SMC1B: variants seen among roughly 807,000 people sequenced by gnomAD.
The protein encoded by SMC1B is structural maintenance of chromosomes 1B.
Under a neutral mutation model 157.9 loss-of-function variants are expected in SMC1B, and 60 were observed. The ratio of observed to expected loss-of-function variants is 0.38; its 90% CI spans 0.31 to 0.47. The LOEUF (loss-of-function observed/expected upper bound fraction) is 0.47, where lower values mean the gene tolerates loss of function less well. SMC1B is among the 20% of genes least tolerant of loss of function. The probability of loss-of-function intolerance (pLI) is 0.99; values close to 1 mark genes in which losing one functional copy is unlikely to be tolerated. For synonymous variants in SMC1B, 445 were observed against 483.0 expected, an observed-to-expected ratio of 0.92 and a Z score of 1.03; for missense variants, 1,165 against 1,426.2, an observed-to-expected ratio of 0.82 and a Z score of 2.95.
intron 17 of SMC1B, among the ~76,000 whole-genome samples, chr22:45,361,459 AAC>A (rs35756229): frequency 2.0e-5 from 3 of 150,800 alleles, no homozygotes; most frequent in Admixed American, 6.6e-5. Flanking sequence ...CTAAAAGAGA[AAC>A]ACACACACAC....
chr22:45,387,109 T>G (rs1224661013), intron 10 of SMC1B, 63 bp from the exon 11 acceptor site: 2 of 1,364,838 alleles, frequency 1.5e-6, no homozygotes, highest in Admixed American at 1.9e-5. Flanking sequence ...ATGTTCATTA[T>G]ATTCTTTCTC....
intron 20 of SMC1B, among the ~76,000 whole-genome samples, chr22:45,354,373 T>G (rs1007182008): frequency 2.0e-5 from 3 of 151,934 alleles, no homozygotes; most frequent in African/African-American, 7.2e-5. Context: ...TATGTATGTA[T>G]GTATGTATGT....
chr22:45,359,608 C>T (rs1180194060), intron 18 of SMC1B, among the ~76,000 whole-genome samples, 197 bp downstream of exon 18: 2 of 152,190 alleles, frequency 1.3e-5, no homozygotes, highest in Non-Finnish European at 2.9e-5. Context: ...TCTTGGGTAT[C>T]TAATATGTAG....
rs58336299 is a variant in SMC1B, at chr22:45,406,526, C to T, written c.549G>A (p.Gln183=). The T allele has an allele frequency of 2.6e-4, 422 of 1,612,952 alleles. 2 individuals are homozygous for T. In the African/African-American group the frequency reaches 4.7e-3, roughly 18 times the overall value. ...RKLQKAEEDA[Q]FNFNKKKNIA... ...TATTTTTTTTCTTATTAAAGTTAAA[C>T]TGTGCATCCTCTTCGGCTTTTTGTA... Residue 183 remains glutamine, a synonymous_variant, in exon 4 of 25, where the codon CAG becomes CAA. Coordinates refer to ENST00000357450, the MANE Select transcript of SMC1B (RefSeq NM_148674.5).
Position 45,410,117 on chromosome 22 carries a change from C to T in SMC1B, c.110-1219G>A, listed in dbSNP as rs576696543. Among the ~76,000 whole-genome samples, 27 of 152,328 alleles carry T rather than the reference C, an allele frequency of 1.8e-4. No individual in the cohort carries two copies. The South Asian group carries it at 5.4e-3, about 30-fold the overall frequency. ...GACTTGGAATCTTGCAACTGGTTTC[C>T]TAAGACTTTGCCTCATATATCCTTT... On this transcript the variant is annotated intron_variant, in intron 1 of 24. Coordinates refer to ENST00000357450, the MANE Select transcript of SMC1B (RefSeq NM_148674.5).
At chr22:45,386,585 C>CCAG (rs2086991952) in intron 11 of SMC1B, among the ~76,000 whole-genome samples, 1 of 151,838 alleles carries the variant, frequency 6.6e-6, no homozygotes, top group Non-Finnish European at 1.5e-5. Context: ...ACAACAACAA[C>CCAG]AACAACAACA....
At chr22:45,388,698 C>G (rs1053684753) in intron 10 of SMC1B, among the ~76,000 whole-genome samples, 2 of 152,036 alleles carry the variant, frequency 1.3e-5, no homozygotes, top group Non-Finnish European at 2.9e-5. Flanking sequence ...AAGAATAGGA[C>G]AGGCGTGATG....
intron 9 of SMC1B, among the ~76,000 whole-genome samples, chr22:45,390,720 A>G (rs1168906943): frequency 7.0e-6 from 1 of 142,402 alleles, no homozygotes; most frequent in African/African-American, 2.7e-5. Flanking sequence ...AAAAAAAAAA[A>G]GTCTAGGAAG....
At chr22:45,363,542 T>C (rs2086741925) in intron 15 of SMC1B, among the ~76,000 whole-genome samples, 1 of 152,054 alleles carries the variant, frequency 6.6e-6, no homozygotes, top group South Asian at 2.1e-4. Flanking sequence ...TTATCCAGGC[T>C]TGGTGGCGTG....
Position 45,394,721 on chromosome 22 carries a change from C to A in SMC1B, c.1301G>T (p.Arg434Leu). ...IKEQIEDHKK[R>L]IEKLEEYTKT... ...TGTATACTCCTCTAACTTCTCTATTCGTTTTTTATGATCTTCTATTTGTTC... is the reference window on the plus strand; with the variant it reads ...TGTATACTCCTCTAACTTCTCTATTAGTTTTTTATGATCTTCTATTTGTTC... The change falls in exon 8 of 25, where the codon CGA becomes CTA. Residue 434 changes from arginine (R) to leucine (L), a missense_variant. Coordinates refer to ENST00000357450, the MANE Select transcript of SMC1B (RefSeq NM_148674.5). The A allele has an allele frequency of 6.4e-7, 1 of 1,562,030 alleles. No homozygotes were observed. Among genetic ancestry groups the A allele is most frequent in the Non-Finnish European group, 8.7e-7 (1 of 1,147,736 alleles).
At chr22:45,398,561 G>A (rs2087154246) in intron 6 of SMC1B, among the ~76,000 whole-genome samples, 1 of 152,216 alleles carries the variant, frequency 6.6e-6, no homozygotes, top group African/African-American at 2.4e-5. Flanking sequence ...CGGGCATGGT[G>A]GCTCACGCCT....
chr22:45,413,179 C>G (rs893747841), intron 1 of SMC1B, among the ~76,000 whole-genome samples: 1 of 151,148 alleles, frequency 6.6e-6, no homozygotes, highest in South Asian at 2.1e-4. Context: ...GAGCGGGGCC[C>G]GAGGCGGGGC....
Position 45,390,777 on chromosome 22 carries a change from G to T in SMC1B, c.1546-880C>A, listed in dbSNP as rs147315694. Among the ~76,000 whole-genome samples, 38 of 151,748 alleles carry T rather than the reference G, an allele frequency of 2.5e-4. No homozygotes were observed. In the East Asian group the frequency reaches 7.0e-3, roughly 28 times the overall value. On this transcript the variant is annotated intron_variant, in intron 9 of 24. Coordinates refer to ENST00000357450, the MANE Select transcript of SMC1B (RefSeq NM_148674.5). ...GAGCTGAGACCTGAAGAATGGTCAA[G>T]AATTAATTAGACTGAAGTTCAAAAA...
intron 22 of SMC1B, among the ~76,000 whole-genome samples, chr22:45,351,855 G>C (rs2086618867): frequency 6.6e-6 from 1 of 152,138 alleles, no homozygotes; most frequent in Non-Finnish European, 1.5e-5. Flanking sequence ...TTCTTGATTT[G>C]TTTTACAAAG....
chr22:45,349,897 T>G lies in SMC1B; in HGVS notation c.3426-100A>C, dbSNP rs1206360967. 4 of 928,672 alleles carry G rather than the reference T, an allele frequency of 4.3e-6. No homozygotes were observed. The Admixed American group carries it at 1.0e-4, about 24-fold the overall frequency. The allele number at this position is 928,672 out of a possible 1,614,324, so 57.5% of individuals were successfully genotyped here. A position where few individuals can be genotyped will look rare whatever the true frequency, so the allele number is the denominator to read the frequency against. On this transcript the variant is annotated intron_variant, in intron 22 of 24. Coordinates refer to ENST00000357450, the MANE Select transcript of SMC1B (RefSeq NM_148674.5). ...AGTATTCAGAATAAATAAAACACAT[T>G]CTTTTGGATATTTCTAAGTAATCGG...
At chr22:45,345,063 A>G (rs187134959) in intron 24 of SMC1B, among the ~76,000 whole-genome samples, 46 of 152,272 alleles carry the variant, frequency 3.0e-4, no homozygotes, top group African/African-American at 1.1e-3. Context: ...CTTCTAATGT[A>G]TTTCTTTGTT....
intron 6 of SMC1B, 80 bp downstream of exon 6, chr22:45,399,015 T>C: frequency 7.4e-7 from 1 of 1,355,240 alleles, no homozygotes; most frequent in Non-Finnish European, 1.0e-6. Context: ...ATCAGAGAGG[T>C]CATCTTTTAA....
intron 8 of SMC1B, among the ~76,000 whole-genome samples, chr22:45,394,438 A>C (rs2087099005): frequency 6.6e-6 from 1 of 152,076 alleles, no homozygotes; most frequent in Non-Finnish European, 1.5e-5. Context: ...CCAGGAGTTC[A>C]AGATCAGCCT....
chr22:45,383,580 A>C lies in SMC1B; in HGVS notation c.1945T>G (p.Ser649Ala). The C allele has an allele frequency of 1.9e-6, 3 of 1,599,400 alleles. No homozygotes were observed. The highest frequency in any genetic ancestry group is 2.6e-6 in the Non-Finnish European group (3 of 1,176,166). The change falls in exon 12 of 25, where the codon TCT becomes GCT. Residue 649 changes from serine (S) to alanine (A), a missense_variant. Coordinates refer to ENST00000357450, the MANE Select transcript of SMC1B (RefSeq NM_148674.5). Reference protein sequence around the residue: ...VALDGTLFLKSGVISGGSSDL... With the variant: ...VALDGTLFLKAGVISGGSSDL... The stretch of plus-strand genomic sequence containing the variant: ...CTTGACCCTCCAGAGATCACTCCAG[A>C]TTTTAAAAATAATGTTCCATCAAGA...
Sources: gnomAD v4.1 joint callset for allele counts (sites outside exome capture counted in the v4.1 genomes callset) on GRCh38, gnomAD v4.1.1 for gene constraint, MANE v1.5 for transcripts, NCBI Gene and HGNC (gene_info 2026-07-23, HGNC 2026-07-21) for gene names.